Variants in ANO3 observed in about 807,000 individuals in gnomAD.
ANO3 encodes anoctamin 3.
A neutral mutation model predicts 144.8 loss-of-function variants in ANO3; 99 were observed. The ratio of observed to expected loss-of-function variants is 0.68; its 90% CI spans 0.58 to 0.81. The LOEUF (loss-of-function observed/expected upper bound fraction) is 0.81, where lower values mean the gene tolerates loss of function less well. ANO3 is among the 30% of genes least tolerant of loss of function. The pLI, the probability that ANO3 is intolerant of heterozygous loss-of-function variation, is 0.00. For missense variants in ANO3, 905 were observed against 1,202.2 expected (o/e 0.75, Z 3.66); for synonymous variants, 414 against 392.6 (o/e 1.05, Z -0.64).
chr11:26,564,317 A>C (rs1850428228), intron 14 of ANO3, among the ~76,000 whole-genome samples: 1 of 151,600 alleles, frequency 6.6e-6, no homozygotes, highest in African/African-American at 2.4e-5. Flanking sequence ...CTTTTCCTAC[A>C]CACTGGCAAC....
At chr11:26,477,383 A>G (rs1405951351) in intron 4 of ANO3, among the ~76,000 whole-genome samples, 1 of 152,080 alleles carries the variant, frequency 6.6e-6, no homozygotes, top group Non-Finnish European at 1.5e-5. Context: ...GTATTTGTGT[A>G]TGGAGTTTTC....
At position 26,355,850 on chromosome 11, in the gene ANO3, G is replaced by A. The variant is rs1056459947; in HGVS notation, c.46+23529G>A. Among the ~76,000 whole-genome samples, 6 of 152,240 alleles carry A rather than the reference G, an allele frequency of 3.9e-5. No individual in the cohort carries two copies. The East Asian group carries it at 5.8e-4, about 15-fold the overall frequency. On this transcript the variant is annotated intron_variant, in intron 1 of 26. Coordinates refer to ENST00000256737, the MANE Select transcript of ANO3 (RefSeq NM_031418.4). ...GCTGGGATTACAGGCGTGAGCCACC[G>A]TGCCAAGCCCCCGCCGAAAATTCAT...
intron 3 of ANO3, among the ~76,000 whole-genome samples, chr11:26,459,435 G>C (rs1859291268): frequency 6.6e-6 from 1 of 151,984 alleles, no homozygotes; most frequent in East Asian, 1.9e-4. Flanking sequence ...GATCAGCTTT[G>C]AGCTATAATT....
intron 4 of ANO3, among the ~76,000 whole-genome samples, chr11:26,482,826 C>T (rs1394189977): frequency 6.6e-6 from 1 of 152,088 alleles, no homozygotes; most frequent in Non-Finnish European, 1.5e-5. Context: ...ATTTAGCTTG[C>T]ACTTATGTGA....
At chr11:26,378,899 T>A (rs1351601898) in intron 1 of ANO3, among the ~76,000 whole-genome samples, 2 of 151,794 alleles carry the variant, frequency 1.3e-5, no homozygotes, top group Non-Finnish European at 2.9e-5. Context: ...GCTAAGTTTT[T>A]TTTTAAGATT....
intron 1 of ANO3, among the ~76,000 whole-genome samples, chr11:26,275,036 C>T (rs1238547587): frequency 6.6e-6 from 1 of 151,932 alleles, no homozygotes; most frequent in Non-Finnish European, 1.5e-5. Flanking sequence ...TATAATTTAT[C>T]TTTAACTCTA....
At chr11:26,339,396 C>T (rs939834662) in intron 1 of ANO3, among the ~76,000 whole-genome samples, 11 of 152,156 alleles carry the variant, frequency 7.2e-5, no homozygotes, top group Admixed American at 3.9e-4. Flanking sequence ...CCAGGCGATC[C>T]GCCTGCCTGG....
At chr11:26,457,357 T>C (rs1022769991) in intron 3 of ANO3, among the ~76,000 whole-genome samples, 9 of 151,828 alleles carry the variant, frequency 5.9e-5, no homozygotes, top group Non-Finnish European at 1.0e-4. Flanking sequence ...AAAACAGATT[T>C]ATAGATTAAA....
intron 1 of ANO3, among the ~76,000 whole-genome samples, chr11:26,343,224 AT>A (rs1409211179): frequency 1.3e-5 from 2 of 152,150 alleles, no homozygotes; most frequent in Admixed American, 1.3e-4. Flanking sequence ...AGATCATGCA[AT>A]ATTTGTCTTC....
chr11:26,484,332 G>C (rs1014853867), intron 4 of ANO3, among the ~76,000 whole-genome samples: 1 of 152,136 alleles, frequency 6.6e-6, no homozygotes, highest in Non-Finnish European at 1.5e-5. Flanking sequence ...ACAACCTGAA[G>C]ACACTGCTCC....
chr11:26,406,722 T>C, intron 1 of ANO3, among the ~76,000 whole-genome samples: 1 of 131,168 alleles, frequency 7.6e-6, no homozygotes, highest in African/African-American at 2.9e-5. Context: ...TGTGTGTGTG[T>C]GTGGATTGGT....
chr11:26,541,387 A>T (rs956663169), intron 10 of ANO3, among the ~76,000 whole-genome samples: 1 of 152,182 alleles, frequency 6.6e-6, no homozygotes, highest in Admixed American at 6.5e-5. Flanking sequence ...TGGCACATGT[A>T]TACCTATGTA....
At chr11:26,351,368 T>A (rs1005070852) in intron 1 of ANO3, among the ~76,000 whole-genome samples, 1 of 152,166 alleles carries the variant, frequency 6.6e-6, no homozygotes, top group Non-Finnish European at 1.5e-5. Context: ...TATTTTTATT[T>A]AAGAGAACCT....
At chr11:26,616,611 A>G (rs1852269588) in intron 17 of ANO3, among the ~76,000 whole-genome samples, 1 of 152,184 alleles carries the variant, frequency 6.6e-6, no homozygotes, top group South Asian at 2.1e-4. Context: ...CTCCTAGAAC[A>G]GAAACTCCAG....
At chr11:26,437,201 T>C (rs1858327356) in intron 1 of ANO3, among the ~76,000 whole-genome samples, 1 of 152,012 alleles carries the variant, frequency 6.6e-6, no homozygotes, top group Non-Finnish European at 1.5e-5. Context: ...TGTACAAGGG[T>C]CTAACCTCCC....
intron 1 of ANO3, among the ~76,000 whole-genome samples, chr11:26,405,958 C>T (rs559135254): frequency 1.4e-4 from 21 of 151,740 alleles, no homozygotes; most frequent in Admixed American, 5.9e-4. Context: ...ATTGTGTTTC[C>T]AGTGGTATTT....
At chr11:26,545,155 C>A (rs1849754840) in intron 11 of ANO3, among the ~76,000 whole-genome samples, 1 of 151,990 alleles carries the variant, frequency 6.6e-6, no homozygotes, top group African/African-American at 2.4e-5. Flanking sequence ...GTTCTTAAAA[C>A]CACACACTTT....
intron 17 of ANO3, among the ~76,000 whole-genome samples, chr11:26,619,288 G>A (rs1216463819): frequency 1.3e-5 from 2 of 152,018 alleles, no homozygotes; most frequent in African/African-American, 2.4e-5. Context: ...AACAGAACAG[G>A]TGGATCATGG....
chr11:26,307,977 AC>A (rs1326763184), upstream of ANO3, among the ~76,000 whole-genome samples: 10 of 152,054 alleles, frequency 6.6e-5, no homozygotes, highest in Admixed American at 6.5e-4. Flanking sequence ...ACCTGAAGTT[AC>A]CTTGTAATTT....
Sources: gnomAD v4.1 joint callset for allele counts (sites outside exome capture counted in the v4.1 genomes callset) on GRCh38, gnomAD v4.1.1 for gene constraint, MANE v1.5 for transcripts, NCBI Gene and HGNC (gene_info 2026-07-23, HGNC 2026-07-21) for gene names.